FARS2: variants seen among roughly 807,000 people sequenced by gnomAD.
FARS2 encodes the protein phenylalanine--tRNA ligase, mitochondrial.
A neutral mutation model predicts 46.4 loss-of-function variants in FARS2; 40 were observed. The observed-to-expected ratio is 0.86, with a 90% CI of 0.67 to 1.12. FARS2 has a LOEUF of 1.12. FARS2 is among the 50% of genes most tolerant of loss of function. The probability of loss-of-function intolerance (pLI) is 0.00; values close to 1 mark genes in which losing one functional copy is unlikely to be tolerated. For synonymous variants in FARS2, 234 were observed against 214.9 expected, an observed-to-expected ratio of 1.09 and a Z score of -0.78; for missense variants, 513 against 567.9, an observed-to-expected ratio of 0.90 and a Z score of 0.98.
In FARS2 at chr6:5,271,840, A is replaced by G. The variant is rs143912433; in HGVS notation, c.-22+10180A>G. 3.2e-3 allele frequency among the ~76,000 whole-genome samples: 484 copies of G among 152,112 alleles called. 5 individuals carry two copies. The highest frequency in any genetic ancestry group is 0.011 in the African/African-American group (466 of 41,476). On this transcript the variant is annotated intron_variant, in intron 1 of 6. Coordinates refer to ENST00000274680, the MANE Select transcript of FARS2 (RefSeq NM_006567.5). Reference sequence around the variant, plus strand: ...CCTCCCAAGTCTGTTTTTGATTACTATTGTTTCTTCAACATTTTACATCTA... The same window carrying G: ...CCTCCCAAGTCTGTTTTTGATTACTGTTGTTTCTTCAACATTTTACATCTA...
At chr6:5,432,672 C>T (rs991747627) in intron 4 of FARS2, among the ~76,000 whole-genome samples, 2 of 150,874 alleles carry the variant, frequency 1.3e-5, no homozygotes, top group African/African-American at 2.4e-5. Flanking sequence ...CGGCTCTGCT[C>T]CCTTAGAAGG....
chr6:5,730,951 C>A (rs1292196800), intron 6 of FARS2, among the ~76,000 whole-genome samples: 1 of 152,204 alleles, frequency 6.6e-6, no homozygotes, highest in African/African-American at 2.4e-5. Context: ...CACACAGCTA[C>A]TAAGTGGTAG....
intron 4 of FARS2, among the ~76,000 whole-genome samples, chr6:5,443,018 A>G (rs1763928569): frequency 6.6e-6 from 1 of 152,226 alleles, no homozygotes; most frequent in African/African-American, 2.4e-5. Context: ...AACATCTGGA[A>G]AGCCGAGATT....
chr6:5,502,699 G>T (rs1436831218), intron 4 of FARS2, among the ~76,000 whole-genome samples: 1 of 152,200 alleles, frequency 6.6e-6, no homozygotes, highest in African/African-American at 2.4e-5. Flanking sequence ...TTTCATTTAG[G>T]TGAGACAAGT....
intron 6 of FARS2, among the ~76,000 whole-genome samples, chr6:5,642,450 T>A (rs1203347451): frequency 6.6e-6 from 1 of 152,144 alleles, no homozygotes; most frequent in Non-Finnish European, 1.5e-5. Context: ...AAGGTAAAAA[T>A]GTTACTAAAA....
intron 4 of FARS2, among the ~76,000 whole-genome samples, chr6:5,472,126 A>C (rs1031983824): frequency 5.3e-5 from 8 of 152,168 alleles, no homozygotes; most frequent in Non-Finnish European, 1.0e-4. Flanking sequence ...ATATCCCTGG[A>C]ATAGATGTAT....
intron 5 of FARS2, among the ~76,000 whole-genome samples, chr6:5,585,990 C>T (rs1005379454): frequency 1.3e-5 from 2 of 151,866 alleles, no homozygotes; most frequent in African/African-American, 2.4e-5. Context: ...GAGGAAGCAG[C>T]GTACTATTTT....
chr6:5,323,591 C>T (rs186058551), intron 1 of FARS2, among the ~76,000 whole-genome samples: 13 of 152,264 alleles, frequency 8.5e-5, no homozygotes, highest in Admixed American at 5.9e-4. Context: ...AAGGAGCTGC[C>T]ATCCAGAATC....
intron 1 of FARS2, among the ~76,000 whole-genome samples, chr6:5,341,202 T>TAGATATATATATATATATGGG (rs1315022164): frequency 3.6e-4 from 2 of 5,510 alleles, no homozygotes; most frequent in Non-Finnish European, 1.0e-3. Context: ...TATATATATA[T>TAGATATATATATATATATGGG]ATATATATAT....
At chr6:5,547,192 T>C (rs1391189577) in intron 5 of FARS2, among the ~76,000 whole-genome samples, 1 of 152,156 alleles carries the variant, frequency 6.6e-6, no homozygotes, top group African/African-American at 2.4e-5. Flanking sequence ...CCTCAGGTGA[T>C]CTGCCCATCT....
chr6:5,435,933 A>C (rs1763495133), intron 4 of FARS2, among the ~76,000 whole-genome samples: 1 of 152,254 alleles, frequency 6.6e-6, no homozygotes, highest in African/African-American at 2.4e-5. Flanking sequence ...GTACATGAAC[A>C]GCTTCCGGTT....
intron 6 of FARS2, among the ~76,000 whole-genome samples, chr6:5,743,296 G>C (rs563559956): frequency 7.2e-5 from 11 of 152,208 alleles, no homozygotes; most frequent in Non-Finnish European, 1.5e-5. Context: ...ATTGGAAATG[G>C]CAGAGACCTC....
intron 6 of FARS2, among the ~76,000 whole-genome samples, chr6:5,728,055 G>T (rs1421962582): frequency 6.6e-6 from 1 of 152,194 alleles, no homozygotes; most frequent in Non-Finnish European, 1.5e-5. Flanking sequence ...CCGCCTTGAT[G>T]GCCCCTCGAT....
intron 6 of FARS2, among the ~76,000 whole-genome samples, chr6:5,654,555 G>A (rs1489117588): frequency 6.6e-6 from 1 of 152,102 alleles, no homozygotes; most frequent in Non-Finnish European, 1.5e-5. Flanking sequence ...GTGTAACACC[G>A]AAAAGCATTA....
At chr6:5,251,824 CAT>C in the FARS2 span, among the ~76,000 whole-genome samples, 5 of 152,174 alleles carry the variant, frequency 3.3e-5, no homozygotes, top group South Asian at 2.1e-4. Flanking sequence ...ACAAGGAAAA[CAT>C]GTGAAAGAAA....
At chr6:5,266,202 G>C (rs893190552) in intron 1 of FARS2, among the ~76,000 whole-genome samples, 1 of 152,194 alleles carries the variant, frequency 6.6e-6, no homozygotes, top group South Asian at 2.1e-4. Flanking sequence ...CATGACCTGC[G>C]GAAGGCTTTG....
intron 3 of FARS2, among the ~76,000 whole-genome samples, chr6:5,419,277 T>C (rs1205265389): frequency 6.6e-6 from 1 of 152,246 alleles, no homozygotes; most frequent in Non-Finnish European, 1.5e-5. Context: ...ATCAGTGAAT[T>C]GTGCTTTCAT....
intron 4 of FARS2, among the ~76,000 whole-genome samples, chr6:5,459,340 T>C (rs1765098415): frequency 1.3e-5 from 2 of 152,086 alleles, no homozygotes; most frequent in African/African-American, 2.4e-5. Context: ...GCTTCAAACT[T>C]TTTTTCCAGA....
intron 2 of FARS2, among the ~76,000 whole-genome samples, chr6:5,399,277 T>G (rs976081520): frequency 6.6e-6 from 1 of 151,536 alleles, no homozygotes; most frequent in Non-Finnish European, 1.5e-5. Context: ...CGGGTTCAAG[T>G]GATTCTCTTG....
Sources: gnomAD v4.1 joint callset for allele counts (sites outside exome capture counted in the v4.1 genomes callset) on GRCh38, gnomAD v4.1.1 for gene constraint, MANE v1.5 for transcripts, NCBI Gene and HGNC (gene_info 2026-07-23, HGNC 2026-07-21) for gene names.